The following EVA1A variants were observed in gnomAD, a reference collection of about 807,000 sequenced individuals.
The protein encoded by EVA1A is eva-1 homolog A, regulator of programmed cell death.
EVA1A carries 7 observed loss-of-function variants against 9.8 expected under a neutral mutation model. The ratio of observed to expected loss-of-function variants is 0.71; its 90% CI spans 0.41 to 1.34. The LOEUF (loss-of-function observed/expected upper bound fraction) is 1.34, where lower values mean the gene tolerates loss of function less well. Ranked by LOEUF, EVA1A falls within the 40% of genes most tolerant of loss-of-function variation. EVA1A has a pLI of 0.01. For synonymous variants in EVA1A, 90 were observed against 85.6 expected (o/e 1.05, Z -0.28); for missense variants, 206 against 205.9 (o/e 1.00, Z 0.00).
chr2:75,526,261 T>G (rs182951318), intron 1 of EVA1A: 108 of 152,294 alleles, frequency 7.1e-4, no homozygotes, highest in African/African-American at 2.6e-3. Flanking sequence ...AAAAGAATAA[T>G]TAATTTCAAT....
In EVA1A at chr2:75,534,661, T is replaced by C. The variant is rs545918586; in HGVS notation, c.-191-12174A>G. Among the ~76,000 whole-genome samples, 3 of 152,258 alleles carry C rather than the reference T, an allele frequency of 2.0e-5. No homozygotes were observed. In the South Asian group the frequency reaches 6.2e-4, roughly 32 times the overall value. ...GCAAAGTGGATTTTAAAAATGACCC[T>C]TTGTTGGATGCATAGTTTGCAAATA... On this transcript the variant is annotated intron_variant, in intron 1 of 3. Transcript: ENST00000393913.
chr2:75,529,744 T>C (rs1675577969), intron 1 of EVA1A, among the ~76,000 whole-genome samples: 1 of 152,034 alleles, frequency 6.6e-6, no homozygotes. Context: ...ACAGCAAAAG[T>C]GGTGCTAAGA....
Position 75,504,033 on chromosome 2 carries a change from A to T in EVA1A, c.86-10424T>A, listed in dbSNP as rs137892790. Among the ~76,000 whole-genome samples the T allele has an allele frequency of 6.2e-4, 94 of 152,276 alleles. 1 individual carries two copies. The highest frequency in any genetic ancestry group is 3.4e-3 in the Middle Eastern group (1 of 294). ...CCCCCAAAATAATAAAATTTTAAAA[A>T]GTGGGCATTAAAGAGAATCACGGGG... On this transcript the variant is annotated intron_variant, in intron 3 of 3. Coordinates refer to ENST00000393913, the MANE Select transcript of EVA1A (RefSeq NM_001135032.2).
chr2:75,541,397 A>G (rs1446749064), intron 1 of EVA1A, among the ~76,000 whole-genome samples: 1 of 152,208 alleles, frequency 6.6e-6, no homozygotes, highest in East Asian at 1.9e-4. Context: ...TTCAGAGACA[A>G]TCAAAAGCTA....
Position 75,551,035 on chromosome 2 carries a change from G to A in EVA1A, c.-192+9645C>T, listed in dbSNP as rs538340540. On this transcript the variant is annotated intron_variant, in intron 1 of 3. Transcript: ENST00000393913. Reference sequence around the variant, plus strand: ...CTACTTGGGATGCTGAGGCAGGAGAGTCACTTGAACCCAGGAGGCAGAGGT... The same window carrying A: ...CTACTTGGGATGCTGAGGCAGGAGAATCACTTGAACCCAGGAGGCAGAGGT... Among the ~76,000 whole-genome samples the A allele has an allele frequency of 1.9e-4, 29 of 152,130 alleles. No homozygotes were observed. In the South Asian group the frequency reaches 6.0e-3, roughly 32 times the overall value.
At chr2:75,525,702 T>C (rs1311977033) in intron 1 of EVA1A, among the ~76,000 whole-genome samples, 1 of 152,226 alleles carries the variant, frequency 6.6e-6, no homozygotes, top group Non-Finnish European at 1.5e-5. Flanking sequence ...ATGTCCTCAA[T>C]GACACTGATA....
intron 3 of EVA1A, 88 bp from the exon 4 acceptor site, chr2:75,493,697 C>T: frequency 7.7e-7 from 1 of 1,306,374 alleles, no homozygotes; most frequent in Non-Finnish European, 1.0e-6. Flanking sequence ...ACACTTCTCA[C>T]CAGGCCCCAA....
At chr2:75,542,625 T>C (rs1676170516) in intron 1 of EVA1A, 1 of 152,474 alleles carries the variant, frequency 6.6e-6, no homozygotes, top group African/African-American at 2.4e-5. Context: ...GATCCTCTCC[T>C]GCGTGCATAA....
At chr2:75,518,989 C>T (rs1675138952) in intron 2 of EVA1A, among the ~76,000 whole-genome samples, 1 of 152,204 alleles carries the variant, frequency 6.6e-6, no homozygotes, top group Non-Finnish European at 1.5e-5. Flanking sequence ...GCCAGTAGAA[C>T]ACACACATGG....
chr2:75,510,728 G>A (rs1445966821), intron 3 of EVA1A, among the ~76,000 whole-genome samples: 1 of 152,170 alleles, frequency 6.6e-6, no homozygotes, highest in Non-Finnish European at 1.5e-5. Context: ...TCTGTAATAT[G>A]TAACAGACAC....
intron 3 of EVA1A, among the ~76,000 whole-genome samples, chr2:75,508,069 A>AT (rs1197502670): frequency 6.6e-6 from 1 of 152,166 alleles, no homozygotes; most frequent in African/African-American, 2.4e-5. Context: ...TACCCTTGTG[A>AT]TTTCCTATGC....
chr2:75,504,409 T>TCAAACAAA (rs551410332), intron 3 of EVA1A, among the ~76,000 whole-genome samples: 17 of 152,090 alleles, frequency 1.1e-4, no homozygotes, highest in African/African-American at 3.6e-4. Flanking sequence ...AGACTCTGCC[T>TCAAACAAA]CAAACAAACA....
intron 3 of EVA1A, among the ~76,000 whole-genome samples, chr2:75,516,049 C>T (rs894991629): frequency 3.3e-5 from 5 of 152,214 alleles, no homozygotes; most frequent in Non-Finnish European, 5.9e-5. Context: ...AACAGATGCA[C>T]TGGGAGAAAA....
intron 3 of EVA1A, among the ~76,000 whole-genome samples, chr2:75,507,547 C>G (rs530076634): frequency 4.5e-4 from 69 of 152,258 alleles, no homozygotes; most frequent in African/African-American, 1.6e-3. Context: ...CAGCCTCCTC[C>G]CTAGTGAAAA....
intron 1 of EVA1A, among the ~76,000 whole-genome samples, chr2:75,529,521 T>C (rs148643246): frequency 6.6e-6 from 1 of 152,266 alleles, no homozygotes; most frequent in East Asian, 1.9e-4. Context: ...TCAATTAATT[T>C]AAGAAAATCA....
At chr2:75,499,810 C>A (rs914165980) in intron 3 of EVA1A, among the ~76,000 whole-genome samples, 3 of 152,156 alleles carry the variant, frequency 2.0e-5, no homozygotes, top group African/African-American at 7.2e-5. Context: ...ATGCCTAAGT[C>A]CCTGTTGGTC....
chr2:75,494,174 C>A (rs1183621298), intron 3 of EVA1A, among the ~76,000 whole-genome samples: 1 of 152,128 alleles, frequency 6.6e-6, no homozygotes, highest in African/African-American at 2.4e-5. Context: ...GCACAGGACA[C>A]CTATACATGG....
rs114783753 is a variant in EVA1A, at chr2:75,492,967, G to A, written c.*269C>T. ...AGAAATCAAGAGAAACCACAGTCGC[G>A]TTTCTCCGATCTCCATCCACAGTGT... On this transcript the variant is annotated 3_prime_UTR_variant, in exon 4 of 4. Transcript: ENST00000393913. The A allele has an allele frequency of 1.6e-5, 7 of 439,604 alleles. No individual in the cohort carries two copies. In the South Asian group the frequency reaches 2.4e-4, roughly 15 times the overall value. The allele number at this position is 439,604 out of a possible 1,614,324, so 27.2% of individuals were successfully genotyped here.
At chr2:75,504,939 C>T (rs1674561100) in intron 3 of EVA1A, among the ~76,000 whole-genome samples, 1 of 152,090 alleles carries the variant, frequency 6.6e-6, no homozygotes, top group Non-Finnish European at 1.5e-5. Flanking sequence ...GTTCTGCACA[C>T]GTATCCCAGA....
Sources: allele counts gnomAD v4.1 joint callset (sites outside exome capture counted in the v4.1 genomes callset), GRCh38; gene constraint gnomAD v4.1.1; transcripts MANE v1.5; gene names NCBI Gene and HGNC (gene_info 2026-07-23, HGNC 2026-07-21).